The following PDE4B variants were observed in gnomAD, a reference collection of about 807,000 sequenced individuals.
PDE4B encodes the protein phosphodiesterase 4B.
In PDE4B, 20 loss-of-function variants were observed where a neutral mutation model predicts 82.2. The observed-to-expected ratio is 0.24, with a 90% confidence interval of 0.17 to 0.35. PDE4B has a LOEUF of 0.35. PDE4B is among the 10% of genes least tolerant of loss of function. PDE4B has a pLI of 1.00. For synonymous variants in PDE4B, 320 were observed against 318.9 expected (o/e 1.00, Z -0.04); for missense variants, 655 against 907.2 (o/e 0.72, Z 3.57).
At chr1:66,021,382 G>T (rs1308854079) in intron 3 of PDE4B, among the ~76,000 whole-genome samples, 3 of 152,162 alleles carry the variant, frequency 2.0e-5, no homozygotes, top group East Asian at 3.8e-4. Flanking sequence ...TAGTCATGAA[G>T]TCCTTGCCCA....
At chr1:65,840,868 A>G (rs114213120) in intron 1 of PDE4B, among the ~76,000 whole-genome samples, 2,436 of 152,336 alleles carry the variant, frequency 0.016, 39 homozygotes, top group Non-Finnish European at 0.024. Flanking sequence ...GTTAGACTGA[A>G]CAACTGAAAT....
At chr1:66,205,650 T>G (rs1279866029) in intron 3 of PDE4B, among the ~76,000 whole-genome samples, 4 of 152,266 alleles carry the variant, frequency 2.6e-5, no homozygotes, top group Admixed American at 6.5e-5. Context: ...CACAGTTTGC[T>G]ATGGCTTACA....
At chr1:66,082,368 T>G (rs1411705419) in intron 3 of PDE4B, among the ~76,000 whole-genome samples, 1 of 152,146 alleles carries the variant, frequency 6.6e-6, no homozygotes, top group Non-Finnish European at 1.5e-5. Context: ...GATTAAATTC[T>G]TATGAAGTAC....
intron 1 of PDE4B, among the ~76,000 whole-genome samples, chr1:65,825,816 C>T (rs1223806464): frequency 6.6e-6 from 1 of 151,854 alleles, no homozygotes; most frequent in Admixed American, 6.6e-5. Flanking sequence ...TCAAGAATCT[C>T]CTTTAGTTTT....
chr1:66,111,825 G>T (rs1462066941), intron 3 of PDE4B, among the ~76,000 whole-genome samples: 3 of 151,926 alleles, frequency 2.0e-5, no homozygotes, highest in Non-Finnish European at 4.4e-5. Context: ...AGGTATTTTT[G>T]TCTTGTCTGG....
intron 3 of PDE4B, among the ~76,000 whole-genome samples, chr1:66,099,734 G>A (rs1306937126): frequency 6.6e-6 from 1 of 152,006 alleles, no homozygotes; most frequent in African/African-American, 2.4e-5. Context: ...AGCACATATT[G>A]ACACCTACAA....
At chr1:66,254,663 G>A (rs1299050237) in intron 4 of PDE4B, among the ~76,000 whole-genome samples, 1 of 152,158 alleles carries the variant, frequency 6.6e-6, no homozygotes, top group African/African-American at 2.4e-5. Context: ...AACAGGAGGG[G>A]AAACTCCTCA....
At chr1:65,926,885 T>C (rs1471655869) in intron 3 of PDE4B, among the ~76,000 whole-genome samples, 1 of 151,670 alleles carries the variant, frequency 6.6e-6, no homozygotes, top group African/African-American at 2.4e-5. Flanking sequence ...AAAACAGACA[T>C]ATAGAGGAAC....
intron 3 of PDE4B, among the ~76,000 whole-genome samples, chr1:66,057,148 A>G (rs927553649): frequency 2.6e-5 from 4 of 152,198 alleles, no homozygotes; most frequent in South Asian, 2.1e-4. Flanking sequence ...TTGGTGCACC[A>G]TGAACTTGCA....
chr1:65,934,397 T>C (rs1402774282), intron 3 of PDE4B, among the ~76,000 whole-genome samples: 2 of 152,192 alleles, frequency 1.3e-5, no homozygotes, highest in African/African-American at 4.8e-5. Flanking sequence ...AGAGCTATGA[T>C]TGTGCCAGTG....
chr1:66,183,350 A>G (rs1040926994), intron 3 of PDE4B, among the ~76,000 whole-genome samples: 2 of 152,204 alleles, frequency 1.3e-5, no homozygotes, highest in African/African-American at 4.8e-5. Context: ...TCTAAATGCT[A>G]TCACATAGCA....
chr1:65,897,265 A>T (rs896771594), intron 1 of PDE4B, among the ~76,000 whole-genome samples: 5 of 152,184 alleles, frequency 3.3e-5, no homozygotes, highest in African/African-American at 9.6e-5. Context: ...ACCTGTACAC[A>T]GATATATAAT....
chr1:66,184,738 G>A (rs1438657740), intron 3 of PDE4B, among the ~76,000 whole-genome samples: 2 of 151,898 alleles, frequency 1.3e-5, no homozygotes, highest in Non-Finnish European at 2.9e-5. Flanking sequence ...ATCCTTATTA[G>A]TTGTGAATGG....
At chr1:66,124,915 A>ATGTGTG (rs1332424381) in intron 3 of PDE4B, among the ~76,000 whole-genome samples, 3 of 39,610 alleles carry the variant, frequency 7.6e-5, no homozygotes, top group African/African-American at 2.9e-4. Context: ...GTGTGTGTGT[A>ATGTGTG]TGCGTGTGTG....
intron 3 of PDE4B, among the ~76,000 whole-genome samples, chr1:65,993,892 T>C (rs1471600097): frequency 6.6e-6 from 1 of 152,154 alleles, no homozygotes; most frequent in Non-Finnish European, 1.5e-5. Flanking sequence ...GTAAATATAG[T>C]AGGGTAACGT....
At chr1:66,161,711 C>A (rs796940660) in intron 3 of PDE4B, among the ~76,000 whole-genome samples, 1 of 152,010 alleles carries the variant, frequency 6.6e-6, no homozygotes, top group Non-Finnish European at 1.5e-5. Flanking sequence ...GTCTATGGAA[C>A]AAATGACATC....
chr1:66,024,517 G>T (rs1653326043), intron 3 of PDE4B, among the ~76,000 whole-genome samples: 1 of 152,104 alleles, frequency 6.6e-6, no homozygotes, highest in African/African-American at 2.4e-5. Context: ...ACTTTAAATA[G>T]ATTTTTCCAG....
intron 3 of PDE4B, among the ~76,000 whole-genome samples, chr1:66,001,544 ATC>A (rs1196199169): frequency 6.6e-6 from 1 of 152,046 alleles, no homozygotes; most frequent in Non-Finnish European, 1.5e-5. Context: ...CAACTTGTTT[ATC>A]TGTTCACCAA....
intron 3 of PDE4B, among the ~76,000 whole-genome samples, chr1:66,020,450 G>T (rs923352513): frequency 2.0e-5 from 3 of 151,980 alleles, no homozygotes; most frequent in Non-Finnish European, 4.4e-5. Flanking sequence ...ATCTCCTAAT[G>T]CTATCCCTCC....
Sources: gnomAD v4.1 joint callset for allele counts (sites outside exome capture counted in the v4.1 genomes callset) on GRCh38, gnomAD v4.1.1 for gene constraint, MANE v1.5 for transcripts, NCBI Gene and HGNC (gene_info 2026-07-23, HGNC 2026-07-21) for gene names.